The following PACS1 variants were observed in gnomAD, a reference collection of about 807,000 sequenced individuals.
PACS1 encodes the protein phosphofurin acidic cluster sorting protein 1.
Under a neutral mutation model 115.0 loss-of-function variants are expected in PACS1, and 24 were observed. The ratio of observed to expected loss-of-function variants is 0.21; its 90% CI spans 0.15 to 0.29. PACS1 has a LOEUF of 0.29. Among genes scored for constraint, PACS1 ranks in the 10% least tolerant of loss-of-function variants. The probability of loss-of-function intolerance (pLI) is 1.00; values close to 1 mark genes in which losing one functional copy is unlikely to be tolerated. For synonymous variants in PACS1, 453 were observed against 504.5 expected (o/e 0.90, Z 1.37); for missense variants, 838 against 1,251.2 (o/e 0.67, Z 4.98).
chr11:66,210,458 C>T lies in PACS1; in HGVS notation c.534+7C>T, dbSNP rs1056681511. On this transcript the variant is annotated splice_region_variant and intron_variant, in intron 3 of 23. Transcript: ENST00000320580. ...ATTAACCTTCTCCCTTCAGGTGAGA[C>T]TCTCCTAATCTTAGGCCCCTAACAT... 3.8e-6 allele frequency: 6 copies of T among 1,587,146 alleles called. No homozygotes were observed. In the East Asian group the frequency reaches 1.3e-4, roughly 35 times the overall value.
rs941008117 is a variant in PACS1 at position 66,202,987 on chromosome 11, G to T, written c.445-7375G>T. 9.2e-5 allele frequency among the ~76,000 whole-genome samples: 14 copies of T among 151,788 alleles called. No individual in the cohort carries two copies. The East Asian group carries it at 2.1e-3, about 23-fold the overall frequency. ...TCATCACTTTCACCACTGTTATTCA[G>T]TATAGTACTGGAAGTCCTAACTAGA... On this transcript the variant is annotated intron_variant, in intron 2 of 23. Coordinates refer to ENST00000320580, the MANE Select transcript of PACS1 (RefSeq NM_018026.4).
intron 1 of PACS1, among the ~76,000 whole-genome samples, chr11:66,160,544 T>C (rs1158277188): frequency 6.6e-6 from 1 of 151,942 alleles, no homozygotes; most frequent in Non-Finnish European, 1.5e-5. Context: ...TTGGCCAAGA[T>C]GGTGTACGGT....
intron 1 of PACS1, among the ~76,000 whole-genome samples, chr11:66,135,181 T>C (rs1345945941): frequency 6.6e-6 from 1 of 151,932 alleles, no homozygotes; most frequent in African/African-American, 2.4e-5. Flanking sequence ...GCCTGGGCAA[T>C]AGAGATAGAC....
intron 4 of PACS1, 26 bp downstream of exon 4, chr11:66,211,285 G>A (rs998984381): frequency 6.2e-7 from 1 of 1,611,448 alleles, no homozygotes; most frequent in East Asian, 2.2e-5. Context: ...TCTCCAGACT[G>A]TTGGCCTTTG....
intron 1 of PACS1, among the ~76,000 whole-genome samples, chr11:66,084,752 A>G (rs1857539359): frequency 6.6e-6 from 1 of 152,052 alleles, no homozygotes; most frequent in Non-Finnish European, 1.5e-5. Flanking sequence ...AAAAATAATT[A>G]TTGTCGTCTC....
chr11:66,240,371 C>T (rs1447056426), intron 21 of PACS1, among the ~76,000 whole-genome samples: 1 of 152,176 alleles, frequency 6.6e-6, no homozygotes, highest in Non-Finnish European at 1.5e-5. Context: ...GCGTGGTCAG[C>T]GCTGGGAAGG....
At chr11:66,130,319 A>G (rs1858671649) in intron 1 of PACS1, among the ~76,000 whole-genome samples, 1 of 152,078 alleles carries the variant, frequency 6.6e-6, no homozygotes. Context: ...CCAAATGTCA[A>G]ACAGTTTGGA....
intron 1 of PACS1, among the ~76,000 whole-genome samples, chr11:66,164,634 A>AGAC (rs987242689): frequency 3.0e-5 from 3 of 101,050 alleles, no homozygotes; most frequent in Non-Finnish European, 6.5e-5. Context: ...TTTTTTGTAA[A>AGAC]GACGAAGTCT....
intron 1 of PACS1, among the ~76,000 whole-genome samples, chr11:66,118,456 GA>G (rs772189085): frequency 3.3e-5 from 5 of 151,976 alleles, no homozygotes; most frequent in Admixed American, 6.6e-5. Flanking sequence ...TGCAAAAAAT[GA>G]AAATATCAGC....
intron 1 of PACS1, among the ~76,000 whole-genome samples, chr11:66,161,266 C>T (rs558049971): frequency 3.8e-4 from 58 of 152,030 alleles, no homozygotes; most frequent in African/African-American, 1.2e-3. Context: ...ATGTAATTTC[C>T]GTGACTGGCA....
intron 1 of PACS1, among the ~76,000 whole-genome samples, chr11:66,116,517 C>A (rs1285801459): frequency 3.3e-5 from 5 of 152,172 alleles, no homozygotes. Context: ...TGCTTACGAG[C>A]AACTATTCTA....
Position 66,230,800 on chromosome 11 carries a change from G to C in PACS1, c.1491-5G>C, listed in dbSNP as rs1359232535. 1.2e-6 allele frequency: 2 copies of C among 1,613,994 alleles called. No individual in the cohort carries two copies. Among genetic ancestry groups the C allele is most frequent in the Admixed American group, 3.3e-5 (2 of 59,996 alleles). On this transcript the variant is annotated splice_region_variant and splice_polypyrimidine_tract_variant and intron_variant, in intron 12 of 23. Coordinates refer to ENST00000320580, the MANE Select transcript of PACS1 (RefSeq NM_018026.4). ...TTCACCAGCCTTTTTCCACCTCCCT[G>C]GCAGCAAAGTGGAGGGGGTGCACAC...
In PACS1 at chr11:66,126,049, A is replaced by T. The variant is rs969506919; in HGVS notation, c.356+55207A>T. ...AGCAAGACTCTGCCTCAAAAAAAAA[A>T]AAAAAAAAATGTGGGCAACTCTAAT... On this transcript the variant is annotated intron_variant, in intron 1 of 23. Coordinates refer to ENST00000320580, the MANE Select transcript of PACS1 (RefSeq NM_018026.4). Among the ~76,000 whole-genome samples the T allele has an allele frequency of 6.0e-3, 913 of 152,214 alleles. 6 individuals are homozygous for T. The highest frequency in any genetic ancestry group is 9.4e-3 in the Non-Finnish European group (639 of 68,012).
In PACS1 at chr11:66,216,903, A is replaced by G. The variant is rs551000073; in HGVS notation, c.978+128A>G. ...CAGGGTCATCCCTTCAACGATTCCAATGAACGCTCTATATCCTCACCACCG... is the reference window on the plus strand; with the variant it reads ...CAGGGTCATCCCTTCAACGATTCCAGTGAACGCTCTATATCCTCACCACCG... On this transcript the variant is annotated intron_variant, in intron 7 of 23. Transcript: ENST00000320580. 9.8e-5 allele frequency: 62 copies of G among 630,598 alleles called. 6 individuals are homozygous for G. The highest frequency in any genetic ancestry group is 1.6e-4 in the East Asian group (5 of 31,334). The allele number at this position is 630,598 out of a possible 1,614,324, so 39.1% of individuals were successfully genotyped here.
At position 66,242,916 on chromosome 11, in the gene PACS1, C is replaced by T. The variant is rs1387900123; in HGVS notation, c.2661C>T (p.Pro887=). 9 of 1,613,988 alleles carry T rather than the reference C, an allele frequency of 5.6e-6. No homozygotes were observed. Among genetic ancestry groups the T allele is most frequent in the Non-Finnish European group, 7.6e-6 (9 of 1,179,948 alleles). The change falls in exon 23 of 24, where the codon CCC becomes CCT. Residue 887 remains proline (P), a synonymous_variant. Transcript: ENST00000320580. ...GTGGCCTTGCTTGCTTTCCAGTTCC[C>T]ACCATCTTCCTGAGCAAGAAACCCC... ...VVTKEKNKKV[P]TIFLSKKPRE... is the part of the protein sequence containing the mutation.
intron 1 of PACS1, among the ~76,000 whole-genome samples, chr11:66,162,141 T>TTTTTTTG: frequency 7.5e-6 from 1 of 132,870 alleles, no homozygotes. Flanking sequence ...TTTTTTTTTT[T>TTTTTTTG]TTGAGACAGT....
intron 1 of PACS1, among the ~76,000 whole-genome samples, chr11:66,134,770 A>G (rs1858805083): frequency 6.6e-6 from 1 of 151,342 alleles, no homozygotes; most frequent in Non-Finnish European, 1.5e-5. Flanking sequence ...TCTTTTTCTC[A>G]CTATCACTGG....
intron 1 of PACS1, among the ~76,000 whole-genome samples, chr11:66,096,209 CTTTTTTTTTTTT>C (rs66569530): frequency 6.1e-4 from 73 of 119,516 alleles, no homozygotes; most frequent in Middle Eastern, 4.2e-3. Context: ...CTTTTTCTTT[CTTTTTTTTTTTT>C]TTTTTTTTTT....
At chr11:66,193,453 A>T (rs1212640601) in intron 1 of PACS1, 33 bp from the exon 2 acceptor site, 1 of 1,466,466 alleles carries the variant, frequency 6.8e-7, no homozygotes, top group East Asian at 2.3e-5. Flanking sequence ...AGTTCCTCGC[A>T]TATGACAGCA....
Sources: allele counts gnomAD v4.1 joint callset (sites outside exome capture counted in the v4.1 genomes callset), GRCh38; gene constraint gnomAD v4.1.1; transcripts MANE v1.5; gene names NCBI Gene and HGNC (gene_info 2026-07-23, HGNC 2026-07-21).